Variants in HNF4A observed in about 807,000 individuals in gnomAD.
HNF4A encodes the protein hepatocyte nuclear factor 4 alpha, also known as hepatocyte nuclear factor 4-alpha.
HNF4A carries 15 observed loss-of-function variants against 52.4 expected under a neutral mutation model. The ratio of observed to expected loss-of-function variants is 0.29; its 90% CI spans 0.19 to 0.44. HNF4A has a LOEUF of 0.44. Ranked by LOEUF, HNF4A falls within the 20% of genes least tolerant of loss-of-function variation. The pLI, the probability that HNF4A is intolerant of heterozygous loss-of-function variation, is 1.00. For missense variants in HNF4A, 479 were observed against 647.2 expected, an observed-to-expected ratio of 0.74 and a Z score of 2.82; for synonymous variants, 280 against 264.4, an observed-to-expected ratio of 1.06 and a Z score of -0.57.
chr20:44,363,706 C>CTTTTTT (rs11480026), intron 1 of HNF4A, among the ~76,000 whole-genome samples: 19 of 107,478 alleles, frequency 1.8e-4, no homozygotes, highest in African/African-American at 5.7e-4. Context: ...TCCATCTACT[C>CTTTTTT]TTTTTTTTTT....
intron 5 of HNF4A, among the ~76,000 whole-genome samples, chr20:44,417,996 AT>A (rs1256424694): frequency 6.6e-6 from 1 of 151,212 alleles, no homozygotes; most frequent in African/African-American, 2.4e-5. Context: ...TAGAATCTGT[AT>A]TTTTACAAAG....
chr20:44,360,841 G>A (rs73109977), intron 1 of HNF4A, among the ~76,000 whole-genome samples: 3 of 152,040 alleles, frequency 2.0e-5, no homozygotes, highest in Admixed American at 2.0e-4. Flanking sequence ...GCTCTATGAT[G>A]ATGGTGCTTT....
chr20:44,363,020 A>AT (rs11479068), intron 1 of HNF4A, among the ~76,000 whole-genome samples: 1 of 150,864 alleles, frequency 6.6e-6, no homozygotes, highest in East Asian at 2.0e-4. Context: ...TGCCTGGCTA[A>AT]TTTTTTTTTA....
At chr20:44,424,282 G>A (rs1456216828) in intron 8 of HNF4A, 28 bp downstream of exon 8, 9 of 1,611,916 alleles carry the variant, frequency 5.6e-6, no homozygotes, top group Non-Finnish European at 2.5e-6. Flanking sequence ...GAGGGGCGGG[G>A]TTGGAGTGGG....
intron 1 of HNF4A, among the ~76,000 whole-genome samples, chr20:44,386,605 C>T (rs1209026054): frequency 6.6e-6 from 1 of 152,104 alleles, no homozygotes; most frequent in Non-Finnish European, 1.5e-5. Flanking sequence ...ATTTCAACCC[C>T]CAAGGGACAT....
chr20:44,429,807 A>C lies in HNF4A; in HGVS notation c.*142A>C, dbSNP rs2063857254. On this transcript the variant is annotated 3_prime_UTR_variant, in exon 10 of 10. Transcript: ENST00000316099. ...AATGGGAAGGATGAAGGGCCCGAGA[A>C]CATGGCCTAAGGGCCACATCCCACT... 4.6e-6 allele frequency: 4 copies of C among 864,958 alleles called. No individual in the cohort carries two copies. Among genetic ancestry groups the C allele is most frequent in the Admixed American group, 2.3e-5 (1 of 43,622 alleles). The allele number at this position is 864,958 out of a possible 1,614,324, so 53.6% of individuals were successfully genotyped here.
chr20:44,368,945 T>C (rs980044134), intron 1 of HNF4A, among the ~76,000 whole-genome samples: 2 of 152,150 alleles, frequency 1.3e-5, no homozygotes, highest in Non-Finnish European at 2.9e-5. Flanking sequence ...ATAACCATGA[T>C]GTTTAGAAAT....
At position 44,429,872 on chromosome 20, in the gene HNF4A, C is replaced by G. The variant is rs77241436; in HGVS notation, c.*207C>G. 2.8e-5 allele frequency: 17 copies of G among 599,628 alleles called. No individual in the cohort carries two copies. The highest frequency in any genetic ancestry group is 1.5e-4 in the African/African-American group (8 of 53,962). The allele number at this position is 599,628 out of a possible 1,614,324, so 37.1% of individuals were successfully genotyped here. On this transcript the variant is annotated 3_prime_UTR_variant, in exon 10 of 10. Transcript: ENST00000316099. Reference sequence around the variant, plus strand: ...CCTGCTCTGGATAACAAGACTTTGACTTGGGGAGACCTCTACTGCCTTGGA... The same window carrying G: ...CCTGCTCTGGATAACAAGACTTTGAGTTGGGGAGACCTCTACTGCCTTGGA...
chr20:44,399,794 C>T (rs761611935), upstream of HNF4A, among the ~76,000 whole-genome samples: 1 of 152,158 alleles, frequency 6.6e-6, no homozygotes, highest in Non-Finnish European at 1.5e-5. Flanking sequence ...CTAATTCACT[C>T]ACTCCTAATT....
chr20:44,386,592 A>T (rs1455890152), intron 1 of HNF4A, among the ~76,000 whole-genome samples: 2 of 152,210 alleles, frequency 1.3e-5, no homozygotes, highest in East Asian at 3.8e-4. Context: ...CTCAGTGGAG[A>T]TAATTTCAAC....
At chr20:44,424,301 A>G in intron 8 of HNF4A, 47 bp downstream of exon 8, 6 of 1,607,354 alleles carry the variant, frequency 3.7e-6, no homozygotes, top group Non-Finnish European at 5.1e-6. Flanking sequence ...GGGACTCCCC[A>G]GGAGACAGGC....
chr20:44,434,391 T>G (rs1345953729), downstream of HNF4A: 1 of 152,138 alleles, frequency 6.6e-6, no homozygotes, highest in East Asian at 1.9e-4. Flanking sequence ...CCATTCGCTG[T>G]CTACCTGATC....
At chr20:44,429,132 C>T (rs2146490418) in intron 9 of HNF4A, among the ~76,000 whole-genome samples, 1 of 152,242 alleles carries the variant, frequency 6.6e-6, no homozygotes, top group East Asian at 1.9e-4. Flanking sequence ...TTTTTTGAGC[C>T]AGCTGGTCCG....
At chr20:44,414,686 G>C in intron 5 of HNF4A, 24 bp downstream of exon 5, 7 of 1,581,728 alleles carry the variant, frequency 4.4e-6, no homozygotes, top group Non-Finnish European at 6.0e-6. Context: ...TGGATGGTGG[G>C]CAGTAGTGGG....
chr20:44,418,624 A>T, intron 6 of HNF4A, 112 bp downstream of exon 6: 1 of 815,720 alleles, frequency 1.2e-6, no homozygotes, highest in Non-Finnish European at 2.1e-6. Context: ...GAGACTAGTC[A>T]GGAGTGGCCC....
intron 1 of HNF4A, among the ~76,000 whole-genome samples, chr20:44,387,652 AGGC>A (rs1217646349): frequency 2.5e-4 from 2 of 8,140 alleles, no homozygotes; most frequent in African/African-American, 5.3e-4. Context: ...GGGTGGAGGC[AGGC>A]GGGGGGGGGG....
At chr20:44,359,115 T>C (rs866675403) in intron 1 of HNF4A, among the ~76,000 whole-genome samples, 1 of 152,230 alleles carries the variant, frequency 6.6e-6, no homozygotes, top group Non-Finnish European at 1.5e-5. Flanking sequence ...TGTCTCACTA[T>C]GTCTCACATG....
At chr20:44,374,802 T>C (rs917397770) in intron 1 of HNF4A, among the ~76,000 whole-genome samples, 1 of 152,212 alleles carries the variant, frequency 6.6e-6, no homozygotes, top group Admixed American at 6.5e-5. Context: ...GTAGAACATA[T>C]AAGTGCATGT....
intron 5 of HNF4A, among the ~76,000 whole-genome samples, chr20:44,417,090 G>A (rs1035435697): frequency 6.6e-6 from 1 of 152,176 alleles, no homozygotes; most frequent in Non-Finnish European, 1.5e-5. Context: ...AAAAGTGTCT[G>A]GCATTTAGTA....
Sources: allele counts gnomAD v4.1 joint callset (sites outside exome capture counted in the v4.1 genomes callset), GRCh38; gene constraint gnomAD v4.1.1; transcripts MANE v1.5; gene names NCBI Gene and HGNC (gene_info 2026-07-23, HGNC 2026-07-21).